The following SH3PXD2A variants were observed in gnomAD, a reference collection of about 807,000 sequenced individuals.
SH3PXD2A encodes the protein SH3 and PX domain-containing protein 2A.
Under a neutral mutation model 115.2 loss-of-function variants are expected in SH3PXD2A, and 32 were observed. The observed-to-expected ratio is 0.28, with a 90% CI of 0.21 to 0.37. SH3PXD2A has a LOEUF of 0.37. Among genes scored for constraint, SH3PXD2A ranks in the 10% least tolerant of loss-of-function variants. SH3PXD2A has a pLI of 1.00. For synonymous variants in SH3PXD2A, 610 were observed against 629.1 expected, an observed-to-expected ratio of 0.97 and a Z score of 0.45; for missense variants, 1,328 against 1,498.7, an observed-to-expected ratio of 0.89 and a Z score of 1.88.
At position 103,855,432 on chromosome 10, in the gene SH3PXD2A, G is replaced by C. The variant is rs1275701693; in HGVS notation, c.-166C>G. 1.1e-5 allele frequency: 4 copies of C among 352,354 alleles called. No homozygotes were observed. Among genetic ancestry groups the C allele is most frequent in the Non-Finnish European group, 2.0e-5 (4 of 203,078 alleles). The allele number at this position is 352,354 out of a possible 1,614,324, so 21.8% of individuals were successfully genotyped here. On this transcript the variant is annotated 5_prime_UTR_variant, in exon 1 of 15. Coordinates refer to ENST00000369774, the MANE Select transcript of SH3PXD2A (RefSeq NM_001394015.1). The stretch of plus-strand genomic sequence containing the variant: ...CGCCCACAGGTCCGGCCCAGGGACG[G>C]GGGAGGGTCCCGGAGGGCGCGCGGG...
intron 6 of SH3PXD2A, among the ~76,000 whole-genome samples, chr10:103,676,750 C>G (rs1241586606): frequency 1.3e-5 from 2 of 152,138 alleles, no homozygotes; most frequent in Non-Finnish European, 2.9e-5. Context: ...CGGCCTCCCC[C>G]TCAGTTCTCA....
chr10:103,813,071 TTTCTA>T (rs1360142837), intron 1 of SH3PXD2A, among the ~76,000 whole-genome samples: 1 of 152,208 alleles, frequency 6.6e-6, no homozygotes, highest in Non-Finnish European at 1.5e-5. Context: ...AAGGTGGACT[TTTCTA>T]TATCATTATG....
At chr10:103,766,621 T>C (rs2038757246) in intron 3 of SH3PXD2A, among the ~76,000 whole-genome samples, 1 of 152,192 alleles carries the variant, frequency 6.6e-6, no homozygotes, top group South Asian at 2.1e-4. Context: ...AATTACATAA[T>C]GTAATTGATT....
At chr10:103,741,528 T>C (rs1221198457) in intron 3 of SH3PXD2A, among the ~76,000 whole-genome samples, 1 of 152,078 alleles carries the variant, frequency 6.6e-6, no homozygotes, top group Non-Finnish European at 1.5e-5. Flanking sequence ...GGATCCCTGA[T>C]TTATAGCAAC....
At chr10:103,845,114 A>C (rs1396881119) in intron 1 of SH3PXD2A, among the ~76,000 whole-genome samples, 2 of 151,998 alleles carry the variant, frequency 1.3e-5, no homozygotes, top group African/African-American at 4.8e-5. Flanking sequence ...ACCTGAGGTC[A>C]GGAGTTCGAG....
At chr10:103,718,760 G>GACACACACACACAC (rs55844048) in intron 5 of SH3PXD2A, among the ~76,000 whole-genome samples, 11 of 128,338 alleles carry the variant, frequency 8.6e-5, no homozygotes, top group Admixed American at 7.9e-5. Flanking sequence ...CCCCAATCAG[G>GACACACACACACAC]ACACACACAC....
Position 103,852,798 on chromosome 10 carries a change from T to C in SH3PXD2A, c.72+2397A>G, listed in dbSNP as rs987058047. On this transcript the variant is annotated intron_variant, in intron 1 of 14. Coordinates refer to ENST00000369774, the MANE Select transcript of SH3PXD2A (RefSeq NM_001394015.1). ...TATGCTTATGTTATGTATTAATATA[T>C]ACAATGCCCCAAATGGGTAGAAACT... 3.9e-5 allele frequency among the ~76,000 whole-genome samples: 6 copies of C among 152,230 alleles called. 1 individual carries two copies. Among genetic ancestry groups the C allele is most frequent in the Admixed American group, 3.9e-4 (6 of 15,288 alleles).
At chr10:103,624,389 T>C (rs2036658621) in intron 9 of SH3PXD2A, among the ~76,000 whole-genome samples, 1 of 152,184 alleles carries the variant, frequency 6.6e-6, no homozygotes, top group Non-Finnish European at 1.5e-5. Context: ...TGGGTTCTGG[T>C]CTTGGCTCTA....
intron 8 of SH3PXD2A, among the ~76,000 whole-genome samples, chr10:103,642,079 A>C (rs1235144530): frequency 6.6e-6 from 1 of 152,222 alleles, no homozygotes; most frequent in Non-Finnish European, 1.5e-5. Flanking sequence ...GACCCATCAT[A>C]AAGCTGAAAA....
intron 13 of SH3PXD2A, among the ~76,000 whole-genome samples, chr10:103,610,406 C>T (rs890524520): frequency 2.6e-5 from 4 of 152,180 alleles, no homozygotes; most frequent in African/African-American, 4.8e-5. Context: ...AATAATTAGC[C>T]GTGGCTAGGA....
chr10:103,711,324 C>G (rs1414201690), intron 5 of SH3PXD2A, among the ~76,000 whole-genome samples: 15 of 152,234 alleles, frequency 9.9e-5, no homozygotes, highest in Admixed American at 9.8e-4. Context: ...TTGCCTGCAC[C>G]TACTGGCCTT....
chr10:103,721,733 C>T (rs970146402), intron 5 of SH3PXD2A, among the ~76,000 whole-genome samples: 12 of 152,136 alleles, frequency 7.9e-5, no homozygotes, highest in African/African-American at 1.9e-4. Flanking sequence ...TGGGCAAGGG[C>T]GGGTCAGGTG....
chr10:103,642,655 AAAAAG>A (rs1325048173), intron 8 of SH3PXD2A, among the ~76,000 whole-genome samples: 8 of 152,124 alleles, frequency 5.3e-5, no homozygotes, highest in East Asian at 1.9e-4. Context: ...TTGTGGGGAG[AAAAAG>A]AAAAGAAAAG....
At chr10:103,707,272 C>CT (rs1477390957) in intron 5 of SH3PXD2A, among the ~76,000 whole-genome samples, 1 of 151,788 alleles carries the variant, frequency 6.6e-6, no homozygotes. Flanking sequence ...TCTTGGCTCA[C>CT]TGCAACCTCC....
chr10:103,727,939 A>G (rs1404515797), intron 4 of SH3PXD2A, among the ~76,000 whole-genome samples: 1 of 152,228 alleles, frequency 6.6e-6, no homozygotes, highest in Non-Finnish European at 1.5e-5. Context: ...GAGTCCCCGC[A>G]GCCTGGGCTG....
intron 2 of SH3PXD2A, among the ~76,000 whole-genome samples, chr10:103,786,456 A>G (rs1342742626): frequency 6.6e-6 from 1 of 152,134 alleles, no homozygotes; most frequent in Non-Finnish European, 1.5e-5. Flanking sequence ...CTTAAGGCCA[A>G]GAGTTTGAGA....
At chr10:103,806,561 G>C (rs1317136085) in intron 1 of SH3PXD2A, among the ~76,000 whole-genome samples, 1 of 152,112 alleles carries the variant, frequency 6.6e-6, no homozygotes, top group African/African-American at 2.4e-5. Context: ...CCTGCATCGG[G>C]GGCCCAGATA....
chr10:103,810,295 C>T (rs1207070190), intron 1 of SH3PXD2A, among the ~76,000 whole-genome samples: 1 of 152,290 alleles, frequency 6.6e-6, no homozygotes, highest in East Asian at 1.9e-4. Flanking sequence ...GCTGACCTCG[C>T]GCCTGGTTTA....
At chr10:103,739,817 G>A (rs959002163) in intron 3 of SH3PXD2A, among the ~76,000 whole-genome samples, 6 of 152,212 alleles carry the variant, frequency 3.9e-5, no homozygotes, top group South Asian at 2.1e-4. Flanking sequence ...CAGCTGCGAC[G>A]TCTAAGCAGT....
Sources: gnomAD v4.1 joint callset for allele counts (sites outside exome capture counted in the v4.1 genomes callset) on GRCh38, gnomAD v4.1.1 for gene constraint, MANE v1.5 for transcripts, NCBI Gene and HGNC (gene_info 2026-07-23, HGNC 2026-07-21) for gene names.